FGF14: variants seen among roughly 807,000 people sequenced by gnomAD.
FGF14 encodes fibroblast growth factor 14, also known as fibroblast growth factor homologous factor 4.
FGF14 carries 5 observed loss-of-function variants against 25.5 expected under a neutral mutation model. The observed-to-expected ratio is 0.20, with a 90% CI of 0.10 to 0.41. The LOEUF (loss-of-function observed/expected upper bound fraction) is 0.41. Ranked by LOEUF, FGF14 falls within the 10% of genes least tolerant of loss-of-function variation. The pLI is 1.00. For missense variants in FGF14, 222 were observed against 320.1 expected, an observed-to-expected ratio of 0.69 and a Z score of 2.34; for synonymous variants, 138 against 118.3, an observed-to-expected ratio of 1.17 and a Z score of -1.08.
At chr13:102,185,173 C>T (rs748592638) in intron 1 of FGF14, among the ~76,000 whole-genome samples, 3 of 152,040 alleles carry the variant, frequency 2.0e-5, no homozygotes, top group African/African-American at 7.2e-5. Flanking sequence ...AAATTCTCTA[C>T]AAAGCACATG....
intron 1 of FGF14, among the ~76,000 whole-genome samples, chr13:102,303,526 T>C (rs1045394993): frequency 6.6e-6 from 1 of 152,220 alleles, no homozygotes; most frequent in Non-Finnish European, 1.5e-5. Flanking sequence ...ATATGAATAA[T>C]CAAATCTAAC....
chr13:102,164,072 T>G (rs1463632399), intron 1 of FGF14, among the ~76,000 whole-genome samples: 2 of 152,160 alleles, frequency 1.3e-5, no homozygotes, highest in Non-Finnish European at 2.9e-5. Flanking sequence ...CTTTGTCCAG[T>G]GTAATGTCAC....
chr13:101,793,456 C>T (rs1432473734), intron 3 of FGF14, among the ~76,000 whole-genome samples: 3 of 152,052 alleles, frequency 2.0e-5, no homozygotes, highest in Non-Finnish European at 4.4e-5. Context: ...GTATGTATCA[C>T]ATTGTCTTTA....
intron 1 of FGF14, among the ~76,000 whole-genome samples, chr13:102,179,092 A>G (rs1396337206): frequency 6.6e-6 from 1 of 152,166 alleles, no homozygotes; most frequent in African/African-American, 2.4e-5. Context: ...CATGCAGCCC[A>G]TGGCAGTAGC....
intron 1 of FGF14, among the ~76,000 whole-genome samples, chr13:102,080,048 G>C (rs2043546782): frequency 6.6e-6 from 1 of 152,206 alleles, no homozygotes; most frequent in East Asian, 1.9e-4. Context: ...GCAAGGATGG[G>C]GTGGGAGGGA....
intron 1 of FGF14, among the ~76,000 whole-genome samples, chr13:101,970,774 A>C (rs1303251926): frequency 1.3e-5 from 2 of 152,176 alleles, no homozygotes; most frequent in African/African-American, 4.8e-5. Context: ...CTTTTCATCT[A>C]TTCTTCTGTT....
At chr13:101,998,815 T>A (rs147351117) in intron 1 of FGF14, among the ~76,000 whole-genome samples, 1 of 152,322 alleles carries the variant, frequency 6.6e-6, no homozygotes, top group East Asian at 1.9e-4. Context: ...GCACCTTTGT[T>A]TCCCTAGGGG....
At chr13:101,737,470 G>A (rs2036264601) in intron 3 of FGF14, among the ~76,000 whole-genome samples, 1 of 152,132 alleles carries the variant, frequency 6.6e-6, no homozygotes, top group South Asian at 2.1e-4. Flanking sequence ...ATGTAGTTAG[G>A]AGATATCAAT....
intron 1 of FGF14, among the ~76,000 whole-genome samples, chr13:101,943,705 G>A (rs2035594707): frequency 6.6e-6 from 1 of 151,908 alleles, no homozygotes; most frequent in Non-Finnish European, 1.5e-5. Flanking sequence ...TGGGTGCAGT[G>A]GCTCACGCCT....
intron 3 of FGF14, among the ~76,000 whole-genome samples, chr13:101,804,512 G>A (rs530635290): frequency 1.1e-4 from 17 of 152,284 alleles, no homozygotes; most frequent in African/African-American, 4.1e-4. Flanking sequence ...CATGCCTCAT[G>A]GGACACTCAG....
chr13:101,969,202 A>G (rs560027442), intron 1 of FGF14, among the ~76,000 whole-genome samples: 3 of 152,240 alleles, frequency 2.0e-5, no homozygotes, highest in African/African-American at 7.2e-5. Context: ...GTCACTTATC[A>G]TGGGTGGGTA....
chr13:101,969,293 G>A (rs1281890661), intron 1 of FGF14, among the ~76,000 whole-genome samples: 1 of 152,218 alleles, frequency 6.6e-6, no homozygotes, highest in Non-Finnish European at 1.5e-5. Context: ...GCTGGGTGCA[G>A]TGGCTCACGC....
chr13:102,084,815 C>T (rs568969634), intron 1 of FGF14, among the ~76,000 whole-genome samples: 32 of 152,286 alleles, frequency 2.1e-4, no homozygotes, highest in African/African-American at 5.5e-4. Context: ...TTCTCATAAA[C>T]GTGGTAGATG....
intron 1 of FGF14, chr13:102,002,771 T>C (rs2039567783): frequency 6.6e-6 from 1 of 152,206 alleles, no homozygotes; most frequent in African/African-American, 2.4e-5. Flanking sequence ...TAGCTAAAAC[T>C]ATTTTGGAAA....
chr13:102,131,960 A>T (rs1194984450), intron 1 of FGF14, among the ~76,000 whole-genome samples: 1 of 152,244 alleles, frequency 6.6e-6, no homozygotes, highest in Admixed American at 6.5e-5. Flanking sequence ...ACGTCCTTGT[A>T]AAGTTGTGCA....
chr13:102,110,916 A>C (rs1032533361), intron 1 of FGF14, among the ~76,000 whole-genome samples: 4 of 152,236 alleles, frequency 2.6e-5, no homozygotes, highest in African/African-American at 9.6e-5. Context: ...CTCTTGCTAT[A>C]AACTGACAAA....
intron 1 of FGF14, among the ~76,000 whole-genome samples, chr13:102,392,336 A>G (rs748507756): frequency 1.3e-5 from 2 of 152,226 alleles, no homozygotes; most frequent in African/African-American, 4.8e-5. Context: ...CCTCAAACTG[A>G]ACAAAGTATT....
chr13:102,136,624 G>C (rs1443432682), intron 1 of FGF14, among the ~76,000 whole-genome samples: 5 of 149,524 alleles, frequency 3.3e-5, no homozygotes, highest in Admixed American at 2.0e-4. Context: ...AGCAAGCCTA[G>C]CTGTAAAGCA....
At position 101,712,195 on chromosome 13, in the gene FGF14, T is replaced by A. The variant is rs561428940; in HGVS notation, c.*10636A>T. 6.6e-6 allele frequency: 1 copy of A among 152,198 alleles called. No homozygotes were observed. Among genetic ancestry groups the A allele is most frequent in the African/African-American group, 2.4e-5 (1 of 41,434 alleles). The allele number at this position is 152,198 out of a possible 1,614,324, so 9.4% of individuals were successfully genotyped here. ...GTAGAATAATTTCCTACCTCTAAGA[T>A]GCACTGAGCATTGACAAACAGGAAA... is the stretch of plus-strand genomic sequence containing the variant. On this transcript the variant is annotated 3_prime_UTR_variant, in exon 5 of 5. Transcript: ENST00000376143.
Sources: allele counts gnomAD v4.1 joint callset (sites outside exome capture counted in the v4.1 genomes callset), GRCh38; gene constraint gnomAD v4.1.1; transcripts MANE v1.5; gene names NCBI Gene and HGNC (gene_info 2026-07-23, HGNC 2026-07-21).